MYO18B: variants seen among roughly 807,000 people sequenced by gnomAD.
MYO18B encodes unconventional myosin-XVIIIb.
MYO18B carries 204 observed loss-of-function variants against 273.0 expected under a neutral mutation model. The ratio of observed to expected loss-of-function variants is 0.75; its 90% confidence interval spans 0.67 to 0.84. MYO18B has a LOEUF of 0.84. Ranked by LOEUF, MYO18B falls within the 40% of genes least tolerant of loss-of-function variation. The pLI, the probability that MYO18B is intolerant of heterozygous loss-of-function variation, is 0.00. For synonymous variants in MYO18B, 1,330 were observed against 1,305.7 expected (o/e 1.02, Z -0.40); for missense variants, 3,212 against 3,287.6 (o/e 0.98, Z 0.56).
rs1220032075 is a variant in MYO18B at position 25,760,976 on chromosome 22, T to C, written c.-109-8T>C. The C allele has an allele frequency of 6.2e-6, 7 of 1,121,896 alleles. No homozygotes were observed. The highest frequency in any genetic ancestry group is 1.3e-5 in the South Asian group (1 of 78,912). 69.5% of individuals were successfully genotyped at this position (1,121,896 alleles called of 1,614,324 possible). On this transcript the variant is annotated splice_region_variant and splice_polypyrimidine_tract_variant and intron_variant, in intron 1 of 43. Transcript: ENST00000335473. ...CTCTTCTCTCCCCACTGTGTCCCTG[T>C]GTGTCAGTTCTGTGTCCATCTCATG...
chr22:25,915,380 G>T (rs1421159125), intron 33 of MYO18B, among the ~76,000 whole-genome samples: 2 of 152,140 alleles, frequency 1.3e-5, no homozygotes, highest in Non-Finnish European at 2.9e-5. Context: ...ATTGCTCCTG[G>T]GCTACAGACC....
At chr22:25,753,545 G>A (rs1185425820) in intron 1 of MYO18B, among the ~76,000 whole-genome samples, 1 of 152,214 alleles carries the variant, frequency 6.6e-6, no homozygotes, top group Non-Finnish European at 1.5e-5. Context: ...GCGTTGTGGG[G>A]TGGTTGTGTT....
chr22:26,055,213 A>G, the MYO18B span, among the ~76,000 whole-genome samples: 4 of 152,218 alleles, frequency 2.6e-5, no homozygotes, highest in African/African-American at 9.7e-5. Context: ...TGGGATTGAT[A>G]TGATCCTCTA....
intron 18 of MYO18B, among the ~76,000 whole-genome samples, chr22:25,844,665 T>C (rs942004074): frequency 3.9e-5 from 6 of 152,202 alleles, no homozygotes; most frequent in African/African-American, 1.4e-4. Flanking sequence ...AGCAGAACAG[T>C]GGCACAGCCA....
At chr22:25,811,425 G>A (rs1366705558) in intron 12 of MYO18B, among the ~76,000 whole-genome samples, 1 of 152,192 alleles carries the variant, frequency 6.6e-6, no homozygotes, top group East Asian at 1.9e-4. Context: ...CCCAGTGAGG[G>A]CGTCATGCAT....
intron 20 of MYO18B, among the ~76,000 whole-genome samples, chr22:25,850,007 G>A (rs1333167163): frequency 1.3e-5 from 2 of 152,188 alleles, no homozygotes; most frequent in Admixed American, 6.5e-5. Context: ...TAAGCACAGA[G>A]ACGGGACATG....
At chr22:25,928,294 G>A (rs939467505) in intron 34 of MYO18B, among the ~76,000 whole-genome samples, 1 of 151,080 alleles carries the variant, frequency 6.6e-6, no homozygotes, top group African/African-American at 2.4e-5. Context: ...GATTCCAGGT[G>A]CAATGTCTCA....
At chr22:25,968,352 C>G (rs1444739837) in intron 39 of MYO18B, among the ~76,000 whole-genome samples, 2 of 152,140 alleles carry the variant, frequency 1.3e-5, no homozygotes, top group African/African-American at 4.8e-5. Flanking sequence ...TAGATTCCCC[C>G]AAGGAAAATT....
At chr22:25,916,683 T>C (rs1267000834) in intron 33 of MYO18B, among the ~76,000 whole-genome samples, 1 of 152,220 alleles carries the variant, frequency 6.6e-6, no homozygotes, top group Admixed American at 6.5e-5. Context: ...TAACATCTTT[T>C]CTTTGAAATT....
intron 33 of MYO18B, among the ~76,000 whole-genome samples, chr22:25,911,474 A>G (rs1054481875): frequency 1.6e-4 from 25 of 152,192 alleles, no homozygotes; most frequent in African/African-American, 5.3e-4. Flanking sequence ...CACGGCTTTG[A>G]GTGAGCTAGT....
chr22:25,919,674 G>GTGTA (rs200368537), intron 33 of MYO18B, among the ~76,000 whole-genome samples: 131 of 124,804 alleles, frequency 1.0e-3, no homozygotes, highest in African/African-American at 3.4e-3. Flanking sequence ...GATTGTGTGT[G>GTGTA]TGTATGTGTG....
chr22:25,835,523 C>T, intron 17 of MYO18B, 80 bp downstream of exon 17: 1 of 1,570,324 alleles, frequency 6.4e-7, no homozygotes, highest in Non-Finnish European at 8.7e-7. Flanking sequence ...GCAGGGAAAG[C>T]CCTGACAAGG....
chr22:25,935,840 G>A (rs1345428413), intron 34 of MYO18B, among the ~76,000 whole-genome samples: 1 of 152,186 alleles, frequency 6.6e-6, no homozygotes, highest in Non-Finnish European at 1.5e-5. Flanking sequence ...CTGGGTTAGA[G>A]ACCTATGCAT....
At chr22:25,771,193 C>T (rs2086707987) in intron 6 of MYO18B, among the ~76,000 whole-genome samples, 2 of 152,348 alleles carry the variant, frequency 1.3e-5, no homozygotes, top group African/African-American at 4.8e-5. Flanking sequence ...GTCATTCACC[C>T]TTTCCTGTGG....
At chr22:25,902,819 T>C (rs1342434530) in intron 30 of MYO18B, 83 bp downstream of exon 30, 1 of 1,457,432 alleles carries the variant, frequency 6.9e-7, no homozygotes, top group South Asian at 1.3e-5. Context: ...CTGCAAATGG[T>C]GACAGAGAGA....
rs2091764159 is a variant in MYO18B, at chr22:25,895,066, A to T, written c.4544-90A>T. The T allele has an allele frequency of 5.5e-6, 8 of 1,463,604 alleles. No homozygotes were observed. In the South Asian group the frequency reaches 1.1e-4, roughly 19 times the overall value. The allele number at this position is 1,463,604 out of a possible 1,614,324, so 90.7% of individuals were successfully genotyped here. ...TGTGAATATTGTGAAATTGCATGCC[A>T]AGAGCCAAGAAAGTGGAGGAGAGCC... On this transcript the variant is annotated intron_variant, in intron 27 of 43. Coordinates refer to ENST00000335473, the MANE Select transcript of MYO18B (RefSeq NM_032608.7).
At chr22:25,882,876 C>T (rs1478028286) in intron 25 of MYO18B, among the ~76,000 whole-genome samples, 4 of 152,104 alleles carry the variant, frequency 2.6e-5, no homozygotes, top group Admixed American at 6.6e-5. Flanking sequence ...GGTCATTACT[C>T]TTTTTTAATT....
intron 31 of MYO18B, 91 bp downstream of exon 31, chr22:25,903,922 C>A: frequency 7.3e-7 from 1 of 1,372,860 alleles, no homozygotes; most frequent in Non-Finnish European, 9.9e-7. Context: ...CCTCACTTGG[C>A]TGCTCCTCAT....
chr22:25,976,808 G>GA (rs138580776), intron 39 of MYO18B, among the ~76,000 whole-genome samples: 19 of 152,262 alleles, frequency 1.2e-4, no homozygotes, highest in African/African-American at 4.1e-4. Context: ...GCCCGAGAGG[G>GA]ATTGTTTCCC....
Sources: allele counts gnomAD v4.1 joint callset (sites outside exome capture counted in the v4.1 genomes callset), GRCh38; gene constraint gnomAD v4.1.1; transcripts MANE v1.5; gene names NCBI Gene and HGNC (gene_info 2026-07-23, HGNC 2026-07-21).